The following MARCHF11 variants were observed in gnomAD, a reference collection of about 807,000 sequenced individuals.
The protein encoded by MARCHF11 is E3 ubiquitin-protein ligase MARCHF11.
In MARCHF11, 29 loss-of-function variants were observed where a neutral mutation model predicts 37.3. That is an observed-to-expected ratio of 0.78 (90% CI 0.58 to 1.06). The LOEUF (loss-of-function observed/expected upper bound fraction) is 1.06. Among genes scored for constraint, MARCHF11 ranks in the 50% least tolerant of loss-of-function variants. The probability of loss-of-function intolerance (pLI) is 0.00; values close to 1 mark genes in which losing one functional copy is unlikely to be tolerated. For synonymous variants in MARCHF11, 233 were observed against 228.0 expected, an observed-to-expected ratio of 1.02 and a Z score of -0.20; for missense variants, 482 against 533.4, an observed-to-expected ratio of 0.90 and a Z score of 0.95.
intron 2 of MARCHF11, among the ~76,000 whole-genome samples, chr5:16,112,715 G>A (rs1737167487): frequency 6.6e-6 from 1 of 152,112 alleles, no homozygotes; most frequent in South Asian, 2.1e-4. Flanking sequence ...ATTTGGGAGT[G>A]GGCAGTGGTG....
intron 2 of MARCHF11, among the ~76,000 whole-genome samples, chr5:16,135,709 A>G (rs1036152349): frequency 6.6e-6 from 1 of 152,182 alleles, no homozygotes; most frequent in African/African-American, 2.4e-5. Context: ...AAAATACCAA[A>G]AAGTATGAGT....
At chr5:16,115,317 C>T (rs1005101185) in intron 2 of MARCHF11, among the ~76,000 whole-genome samples, 9 of 152,294 alleles carry the variant, frequency 5.9e-5, no homozygotes, top group East Asian at 1.9e-4. Context: ...TCTGTGCGTC[C>T]GTGAATCTCA....
intron 3 of MARCHF11, among the ~76,000 whole-genome samples, chr5:16,071,188 G>C (rs1736430573): frequency 6.6e-6 from 1 of 152,152 alleles, no homozygotes; most frequent in Non-Finnish European, 1.5e-5. Context: ...TTTCATCTGA[G>C]TCACTAAGCT....
intron 3 of MARCHF11, among the ~76,000 whole-genome samples, chr5:16,089,770 T>C (rs1736761246): frequency 6.6e-6 from 1 of 152,222 alleles, no homozygotes; most frequent in Non-Finnish European, 1.5e-5. Flanking sequence ...TAATCAAATA[T>C]ACTTAATCTA....
chr5:16,107,587 C>T (rs1321660266), intron 2 of MARCHF11, among the ~76,000 whole-genome samples: 1 of 151,962 alleles, frequency 6.6e-6, no homozygotes, highest in Non-Finnish European at 1.5e-5. Context: ...TAGAAGAGGG[C>T]GGTTCCCCAG....
At chr5:16,165,749 C>T (rs1042951066) in intron 2 of MARCHF11, among the ~76,000 whole-genome samples, 1 of 152,016 alleles carries the variant, frequency 6.6e-6, no homozygotes, top group African/African-American at 2.4e-5. Context: ...TCAGTTATCA[C>T]TGATAATGTT....
At chr5:16,090,265 G>A (rs373705571) in intron 3 of MARCHF11, among the ~76,000 whole-genome samples, 15 of 152,306 alleles carry the variant, frequency 9.8e-5, no homozygotes, top group African/African-American at 3.6e-4. Flanking sequence ...GGGAACAACA[G>A]ATGGGTCAAA....
chr5:16,102,273 G>C (rs139476529), intron 2 of MARCHF11, among the ~76,000 whole-genome samples: 1 of 152,136 alleles, frequency 6.6e-6, no homozygotes, highest in Admixed American at 6.5e-5. Context: ...CTCAGTTCTT[G>C]GTTAAAGTCA....
chr5:16,177,601 T>C lies in MARCHF11; in HGVS notation c.693+125A>G, dbSNP rs1302684996. 8.0e-6 allele frequency: 6 copies of C among 746,240 alleles called. No individual in the cohort carries two copies. The East Asian group carries it at 2.0e-4, about 24-fold the overall frequency. 46.2% of individuals were successfully genotyped at this position (746,240 alleles called of 1,614,324 possible). ...CATGTTTACAAATTCTAAATCTTGG[T>C]TTTAGTGTAATTTTCACAAAATGTT... On this transcript the variant is annotated intron_variant, in intron 2 of 3. Transcript: ENST00000332432.
At chr5:16,178,599 CA>C (rs754499201) in intron 1 of MARCHF11, among the ~76,000 whole-genome samples, 4 of 152,186 alleles carry the variant, frequency 2.6e-5, no homozygotes, top group Non-Finnish European at 4.4e-5. Flanking sequence ...TTAAGTCACC[CA>C]AATTTGCAGT....
chr5:16,091,023 C>G lies in MARCHF11; in HGVS notation c.752G>C (p.Gly251Ala), dbSNP rs1473774361. The change falls in exon 3 of 4, where the codon GGA (glycine) becomes GCA (alanine). Residue 251 changes from glycine to alanine, a missense_variant. By Grantham distance (60) the Gly-to-Ala change is moderately conservative (BLOSUM62 0). Transcript: ENST00000332432. ...EKVQMIAVIL[G>A]SLFLIASVTW... is the part of the protein sequence containing the mutation. ...CACACTGGCTATTAAGAACAGGGAT[C>G]CTAGGATTACAGCAATCATCTGAAC... The G allele has an allele frequency of 1.9e-6, 3 of 1,608,874 alleles. No individual in the cohort carries two copies. The highest frequency in any genetic ancestry group is 2.2e-5 in the East Asian group (1 of 44,760).
intron 2 of MARCHF11, among the ~76,000 whole-genome samples, chr5:16,173,931 T>C (rs917524925): frequency 7.2e-5 from 11 of 152,226 alleles, no homozygotes; most frequent in Non-Finnish European, 1.5e-4. Flanking sequence ...AGAGTTTAAG[T>C]AGCTTGTCTA....
At chr5:16,070,236 A>T (rs1287536844) in intron 3 of MARCHF11, among the ~76,000 whole-genome samples, 1 of 152,230 alleles carries the variant, frequency 6.6e-6, no homozygotes, top group Non-Finnish European at 1.5e-5. Context: ...ATGGTCAATA[A>T]TTTAACATTT....
At chr5:16,138,807 A>T (rs1737654662) in intron 2 of MARCHF11, among the ~76,000 whole-genome samples, 1 of 152,168 alleles carries the variant, frequency 6.6e-6, no homozygotes, top group Admixed American at 6.5e-5. Context: ...GAGTTTTAAG[A>T]TTTGACTGCC....
intron 2 of MARCHF11, among the ~76,000 whole-genome samples, chr5:16,111,076 TA>T (rs1355106829): frequency 1.3e-5 from 2 of 152,222 alleles, no homozygotes; most frequent in Non-Finnish European, 2.9e-5. Context: ...GTGAGTCCAT[TA>T]AACCTCTTTT....
chr5:16,123,128 G>A (rs868108250), intron 2 of MARCHF11, among the ~76,000 whole-genome samples: 4 of 152,090 alleles, frequency 2.6e-5, no homozygotes, highest in East Asian at 1.9e-4. Context: ...TTTATTGCCC[G>A]CATACAGTAT....
chr5:16,131,132 A>G (rs912736488), intron 2 of MARCHF11, among the ~76,000 whole-genome samples: 1 of 152,254 alleles, frequency 6.6e-6, no homozygotes, highest in Non-Finnish European at 1.5e-5. Context: ...GGAAAGTGCT[A>G]TAACAGTTCA....
At position 16,090,935 on chromosome 5, in the gene MARCHF11, A is replaced by C. The variant is rs1560971771; in HGVS notation, c.840T>G (p.Phe280Leu). The change falls in exon 3 of 4, where the codon TTT becomes TTG. Residue 280 changes from phenylalanine (F) to leucine (L), a missense_variant. Physicochemically the swap from Phe to Leu is conservative, Grantham distance 22. Transcript: ENST00000332432. ...YAVWQRKDILFQICYGMYGFM... is the reference protein window; with the variant it reads ...YAVWQRKDILLQICYGMYGFM... The stretch of plus-strand genomic sequence containing the variant: ...AACCATACATTCCATAGCAGATCTG[A>C]AAAAGGATGTCCTTCCTCTGCCACA... 1 of 1,610,768 alleles carries C rather than the reference A, an allele frequency of 6.2e-7. No homozygotes were observed. The highest frequency in any genetic ancestry group is 1.3e-5 in the African/African-American group (1 of 74,132).
chr5:16,098,832 A>C (rs1419830806), intron 2 of MARCHF11, among the ~76,000 whole-genome samples: 1 of 150,506 alleles, frequency 6.6e-6, no homozygotes, highest in East Asian at 1.9e-4. Flanking sequence ...TCAGCAGCAA[A>C]AGGTTGAAAA....
Sources: gnomAD v4.1 joint callset for allele counts (sites outside exome capture counted in the v4.1 genomes callset) on GRCh38, gnomAD v4.1.1 for gene constraint, MANE v1.5 for transcripts, NCBI Gene and HGNC (gene_info 2026-07-23, HGNC 2026-07-21) for gene names.